The following FSTL3 variants were observed in gnomAD, a reference collection of about 807,000 sequenced individuals.
The protein encoded by FSTL3 is follistatin like 3, also known as follistatin-related protein 3.
FSTL3 carries 21 observed loss-of-function variants against 28.1 expected under a neutral mutation model. The ratio of observed to expected loss-of-function variants is 0.75; its 90% CI spans 0.53 to 1.08. FSTL3 has a LOEUF of 1.08. FSTL3 is among the 50% of genes least tolerant of loss of function. FSTL3 has a pLI of 0.00. For synonymous variants in FSTL3, 199 were observed against 164.2 expected, an observed-to-expected ratio of 1.21 and a Z score of -1.62; for missense variants, 400 against 380.9, an observed-to-expected ratio of 1.05 and a Z score of -0.42.
At chr19:677,348 G>A (rs2031235488) in intron 1 of FSTL3, among the ~76,000 whole-genome samples, 1 of 151,968 alleles carries the variant, frequency 6.6e-6, no homozygotes, top group African/African-American at 2.4e-5. Context: ...GGGCCAGGCG[G>A]TGGGGGGGCT....
chr19:678,083 G>T (rs1474087337), intron 2 of FSTL3, 106 bp downstream of exon 2: 2 of 1,084,502 alleles, frequency 1.8e-6, no homozygotes, highest in Admixed American at 2.2e-5. Flanking sequence ...CCGTCACAGG[G>T]GTATGTAGGA....
intron 3 of FSTL3, 113 bp from the exon 4 acceptor site, chr19:681,220 T>G: frequency 1.4e-6 from 1 of 698,904 alleles, no homozygotes; most frequent in South Asian, 1.9e-5. Context: ...TGCTTGTGTC[T>G]CCTACCAGAG....
At chr19:679,256 A>C (rs538995946) in intron 2 of FSTL3, among the ~76,000 whole-genome samples, 1 of 152,178 alleles carries the variant, frequency 6.6e-6, no homozygotes, top group South Asian at 2.1e-4. Flanking sequence ...ACCCTGGCCG[A>C]GCATTTCCAG....
chr19:678,008 G>C, intron 2 of FSTL3, 31 bp downstream of exon 2: 3 of 1,597,944 alleles, frequency 1.9e-6, no homozygotes, highest in Non-Finnish European at 2.6e-6. Context: ...CAGGGCAGAC[G>C]TCTCAGCTCA....
Position 677,938 on chromosome 19 carries a change from C to A in FSTL3, c.250C>A (p.Leu84Ile), listed in dbSNP as rs1193155922. ...CCACCCGGGGAACAAGATCAACCTC[C>A]TCGGCTTCTTGGGCCTTGTCCACTG... is the stretch of plus-strand genomic sequence containing the variant. Reference protein sequence around the residue: ...LTHPGNKINLLGFLGLVHCLP... With the variant: ...LTHPGNKINLIGFLGLVHCLP... Residue 84 changes from leucine (L) to isoleucine (I), a missense_variant, in exon 2 of 5, where the codon CTC becomes ATC. Leu to Ile is a conservative substitution (Grantham distance 5). Transcript: ENST00000166139. The A allele has an allele frequency of 6.2e-7, 1 of 1,613,580 alleles. No individual in the cohort carries two copies. Among genetic ancestry groups the A allele is most frequent in the Non-Finnish European group, 8.5e-7 (1 of 1,180,002 alleles).
At chr19:677,191 G>A (rs961845483) in intron 1 of FSTL3, among the ~76,000 whole-genome samples, 6 of 152,154 alleles carry the variant, frequency 3.9e-5, no homozygotes, top group Non-Finnish European at 5.9e-5. Context: ...GGGGCTCTCT[G>A]GCTCCCCACC....
chr19:679,710 C>A (rs76741510), intron 2 of FSTL3, among the ~76,000 whole-genome samples: 2,639 of 152,264 alleles, frequency 0.017, 72 homozygotes, highest in African/African-American at 0.056. Context: ...AGCGGGGCTG[C>A]GGGGCAGCTC....
Position 681,418 on chromosome 19 carries a change from GGCGCCCTGCCCTGT to G in FSTL3, c.594_607del (p.Pro199LeufsTer45). ...GCGCCCACTGCGTGGTGTGTCGAGCGGCGCCCTGCCCTGTGCCCTCCAGCCCCGGCCAGGAGCTT... is the reference window on the plus strand; with the variant it reads ...GCGCCCACTGCGTGGTGTGTCGAGCGGCCCTCCAGCCCCGGCCAGGAGCTT... On this transcript the variant is annotated frameshift_variant, in exon 4 of 5. Transcript: ENST00000166139. LOFTEE classifies it high-confidence loss of function. 1 of 1,596,780 alleles carries G rather than the reference GGCGCCCTGCCCTGT, an allele frequency of 6.3e-7. No individual in the cohort carries two copies. The highest frequency in any genetic ancestry group is 8.5e-7 in the Non-Finnish European group (1 of 1,178,660).
intron 4 of FSTL3, 27 bp from the exon 5 acceptor site, chr19:681,623 C>G (rs1204984746): frequency 3.1e-6 from 5 of 1,590,646 alleles, no homozygotes; most frequent in Non-Finnish European, 4.3e-6. Flanking sequence ...TGCCCTGCGC[C>G]CTCAATGCTC....
At chr19:680,185 G>T in intron 2 of FSTL3, 89 bp from the exon 3 acceptor site, 1 of 773,774 alleles carries the variant, frequency 1.3e-6, no homozygotes, top group Non-Finnish European at 1.8e-6. Context: ...CTGCAGAAGG[G>T]GCGCAGGGAG....
At chr19:680,905 C>A in intron 3 of FSTL3, 1 of 243,810 alleles carries the variant, frequency 4.1e-6, no homozygotes, top group South Asian at 7.3e-5. Context: ...AGAGCGGGAG[C>A]GTGACTCAGA....
In FSTL3 at chr19:681,433, G is replaced by T; in HGVS notation, c.606G>T (p.Val202=). The T allele has an allele frequency of 6.3e-7, 1 of 1,598,266 alleles. No homozygotes were observed. Among genetic ancestry groups the T allele is most frequent in the South Asian group, 1.1e-5 (1 of 90,824 alleles). Residue 202 remains valine, a synonymous_variant, in exon 4 of 5, where the codon GTG becomes GTT. Coordinates refer to ENST00000166139, the MANE Select transcript of FSTL3 (RefSeq NM_005860.3). ...CVVCRAAPCP[V]PSSPGQELCG... The stretch of plus-strand genomic sequence containing the variant: ...TGTGTCGAGCGGCGCCCTGCCCTGT[G>T]CCCTCCAGCCCCGGCCAGGAGCTTT...
Position 680,276 on chromosome 19 carries a change from T to A in FSTL3, c.292T>A (p.Ser98Thr). Residue 98 changes from serine to threonine, a missense_variant and splice_region_variant, in exon 3 of 5, where the codon TCG becomes ACG. Ser to Thr is a moderately conservative substitution (Grantham distance 58). Coordinates refer to ENST00000166139, the MANE Select transcript of FSTL3 (RefSeq NM_005860.3). ...GLVHCLPCKD[S>T]CDGVECGPGK... ...ACGCGCGTGTCCTCTGTCCGCAGAT[T>A]CGTGCGACGGCGTGGAGTGCGGCCC... 1.5e-6 allele frequency: 2 copies of A among 1,333,478 alleles called. No homozygotes were observed. Among genetic ancestry groups the A allele is most frequent in the Non-Finnish European group, 1.9e-6 (2 of 1,043,124 alleles). 82.6% of individuals were successfully genotyped at this position (1,333,478 alleles called of 1,614,324 possible).
At chr19:680,568 AGT>A in intron 3 of FSTL3, 79 bp downstream of exon 3, 1 of 415,712 alleles carries the variant, frequency 2.4e-6, no homozygotes, top group Non-Finnish European at 3.2e-6. Flanking sequence ...CTGCTGCCGC[AGT>A]AGGCGGGGGC....
Position 680,332 on chromosome 19 carries a change from C to T in FSTL3, c.348C>T (p.Arg116=). 1 of 1,281,520 alleles carries T rather than the reference C, an allele frequency of 7.8e-7. No homozygotes were observed. Among genetic ancestry groups the T allele is most frequent in the South Asian group, 2.5e-5 (1 of 39,608 alleles). The allele number at this position is 1,281,520 out of a possible 1,614,324, so 79.4% of individuals were successfully genotyped here. A position where few individuals can be genotyped will look rare whatever the true frequency, so the allele number is the denominator to read the frequency against. ...PGKACRMLGG[R]PRCECAPDCS... ...AGGCGTGCCGCATGCTGGGGGGCCG[C>T]CCGCGCTGCGAGTGCGCGCCCGACT... Residue 116 remains arginine (R), a synonymous_variant, in exon 3 of 5, where the codon CGC becomes CGT. Coordinates refer to ENST00000166139, the MANE Select transcript of FSTL3 (RefSeq NM_005860.3).
chr19:677,533 G>A (rs1302574284), intron 1 of FSTL3, among the ~76,000 whole-genome samples: 1 of 151,468 alleles, frequency 6.6e-6, no homozygotes, highest in African/African-American at 2.4e-5. Flanking sequence ...TGGAGGGTAC[G>A]GGAAGGGACC....
rs574343984 is a variant in FSTL3, at chr19:683,275, T to C, written c.*1567T>C. 1.6e-4 allele frequency: 36 copies of C among 231,498 alleles called. No homozygotes were observed. The East Asian group carries it at 2.1e-3, about 14-fold the overall frequency. The allele number at this position is 231,498 out of a possible 1,614,324, so 14.3% of individuals were successfully genotyped here. On this transcript the variant is annotated 3_prime_UTR_variant, in exon 5 of 5. Transcript: ENST00000166139. ...CCTCCTCCAGCCCCCAGGCAGTGCC[T>C]TACCTGTGGTGCCCAGAAAAGTGCC...
chr19:677,610 G>T (rs2031241218), intron 1 of FSTL3, among the ~76,000 whole-genome samples, 182 bp from the exon 2 acceptor site: 1 of 151,978 alleles, frequency 6.6e-6, no homozygotes, highest in Non-Finnish European at 1.5e-5. Flanking sequence ...GAGGGGAGGA[G>T]ACATTTCCAG....
At chr19:681,598 G>T (rs772863832) in intron 4 of FSTL3, 38 bp downstream of exon 4, 1 of 1,596,584 alleles carries the variant, frequency 6.3e-7, no homozygotes, top group Non-Finnish European at 8.5e-7. Flanking sequence ...CTGTCCTGGG[G>T]GCCGGAGAAC....
Sources: gnomAD v4.1 joint callset for allele counts (sites outside exome capture counted in the v4.1 genomes callset) on GRCh38, gnomAD v4.1.1 for gene constraint, MANE v1.5 for transcripts, NCBI Gene and HGNC (gene_info 2026-07-23, HGNC 2026-07-21) for gene names.